Variants in ADAM32 observed in about 807,000 individuals in gnomAD.
ADAM32 encodes disintegrin and metalloproteinase domain-containing protein 32.
In ADAM32, 89 loss-of-function variants were observed where a neutral mutation model predicts 114.9. The observed-to-expected ratio is 0.77, with a 90% CI of 0.65 to 0.92. ADAM32 has a LOEUF of 0.92. Among genes scored for constraint, ADAM32 ranks in the 40% least tolerant of loss-of-function variants. The probability of loss-of-function intolerance (pLI) is 0.00; values close to 1 mark genes in which losing one functional copy is unlikely to be tolerated. For missense variants in ADAM32, 870 were observed against 932.8 expected (o/e 0.93, Z 0.88); for synonymous variants, 285 against 307.5 (o/e 0.93, Z 0.77).
chr8:39,276,771 T>C (rs1248746357), intron 22 of ADAM32, among the ~76,000 whole-genome samples: 1 of 152,200 alleles, frequency 6.6e-6, no homozygotes. Context: ...ATTTTTATTA[T>C]CATGTCTGTT....
In ADAM32 at chr8:39,235,202, A is replaced by G. The variant is rs191997473; in HGVS notation, c.1818+1120A>G. On this transcript the variant is annotated intron_variant, in intron 16 of 24. Transcript: ENST00000379907. ...CAGATCTTTGCTCATAGGGAAATAT[A>G]AAAAGTGTAAAGTGTAGGCTTTAAA... Among the ~76,000 whole-genome samples, 287 of 152,298 alleles carry G rather than the reference A, an allele frequency of 1.9e-3. 1 individual carries two copies. Among genetic ancestry groups the G allele is most frequent in the Middle Eastern group, 3.4e-3 (1 of 294 alleles).
intron 11 of ADAM32, among the ~76,000 whole-genome samples, chr8:39,200,755 A>G (rs1165262024): frequency 1.3e-5 from 2 of 152,146 alleles, no homozygotes; most frequent in African/African-American, 2.4e-5. Flanking sequence ...TTATGGTTTT[A>G]GGTCTAACAT....
intron 12 of ADAM32, among the ~76,000 whole-genome samples, chr8:39,211,933 C>T (rs1330619746): frequency 6.6e-6 from 1 of 152,116 alleles, no homozygotes; most frequent in Non-Finnish European, 1.5e-5. Flanking sequence ...TGAACCATAT[C>T]ACATTATTTT....
intron 7 of ADAM32, among the ~76,000 whole-genome samples, chr8:39,163,963 T>C (rs1804673904): frequency 6.6e-6 from 1 of 152,210 alleles, no homozygotes; most frequent in Non-Finnish European, 1.5e-5. Flanking sequence ...TTTTCAGATT[T>C]CAAGAGCGAT....
chr8:39,171,989 A>G (rs1805232442), intron 10 of ADAM32, among the ~76,000 whole-genome samples: 2 of 151,362 alleles, frequency 1.3e-5, no homozygotes, highest in Admixed American at 6.6e-5. Context: ...CACTTTGTCT[A>G]GAGATTGATG....
intron 11 of ADAM32, among the ~76,000 whole-genome samples, chr8:39,199,828 G>A (rs1807272189): frequency 6.9e-6 from 1 of 145,468 alleles, no homozygotes; most frequent in Admixed American, 7.0e-5. Context: ...GTGTCCAAGT[G>A]TTCTCACTGT....
At chr8:39,131,067 C>G (rs1286942408) in intron 2 of ADAM32, among the ~76,000 whole-genome samples, 1 of 150,896 alleles carries the variant, frequency 6.6e-6, no homozygotes, top group Non-Finnish European at 1.5e-5. Context: ...CACCATTCTC[C>G]TGCCTCAGCC....
At chr8:39,164,903 C>A in intron 8 of ADAM32, 68 bp downstream of exon 8, 1 of 1,512,318 alleles carries the variant, frequency 6.6e-7, no homozygotes, top group Non-Finnish European at 9.1e-7. Flanking sequence ...AAACTTGATG[C>A]GGTATTCCTG....
intron 11 of ADAM32, among the ~76,000 whole-genome samples, chr8:39,199,680 G>A (rs1023626732): frequency 6.6e-6 from 1 of 151,642 alleles, no homozygotes; most frequent in Non-Finnish European, 1.5e-5. Flanking sequence ...GTGCAGGTTT[G>A]TTACATATGT....
At chr8:39,254,888 A>G (rs1165956300) in intron 18 of ADAM32, among the ~76,000 whole-genome samples, 1 of 151,762 alleles carries the variant, frequency 6.6e-6, no homozygotes, top group African/African-American at 2.4e-5. Context: ...TCAATACCCC[A>G]AAGTCCATTG....
At chr8:39,207,334 T>A (rs1394815555) in intron 11 of ADAM32, among the ~76,000 whole-genome samples, 1 of 152,132 alleles carries the variant, frequency 6.6e-6, no homozygotes, top group East Asian at 1.9e-4. Context: ...CCCCTCCTAT[T>A]CCTGATATAT....
intron 11 of ADAM32, among the ~76,000 whole-genome samples, chr8:39,192,605 G>A (rs1806679557): frequency 6.6e-6 from 1 of 152,180 alleles, no homozygotes; most frequent in Non-Finnish European, 1.5e-5. Flanking sequence ...TTGCTTTATA[G>A]TGTCATTGCT....
chr8:39,217,725 A>G (rs1374285612), intron 12 of ADAM32, among the ~76,000 whole-genome samples: 1 of 151,932 alleles, frequency 6.6e-6, no homozygotes, highest in Non-Finnish European at 1.5e-5. Flanking sequence ...AATAATTTCA[A>G]TTTACTTTTA....
At chr8:39,121,161 A>G (rs1018026188) in intron 2 of ADAM32, among the ~76,000 whole-genome samples, 1 of 152,220 alleles carries the variant, frequency 6.6e-6, no homozygotes, top group Non-Finnish European at 1.5e-5. Context: ...TCAGACAATA[A>G]AAAGATTCCT....
At chr8:39,153,171 T>C (rs1446553685) in intron 6 of ADAM32, among the ~76,000 whole-genome samples, 1 of 152,244 alleles carries the variant, frequency 6.6e-6, no homozygotes, top group Non-Finnish European at 1.5e-5. Flanking sequence ...ATATCTTAAA[T>C]AATACAGGGT....
At chr8:39,265,180 C>G (rs151157029) in intron 19 of ADAM32, among the ~76,000 whole-genome samples, 2 of 152,288 alleles carry the variant, frequency 1.3e-5, no homozygotes, top group Admixed American at 6.5e-5. Context: ...CCAGGTGTTA[C>G]ACTGTTGGGC....
intron 3 of ADAM32, among the ~76,000 whole-genome samples, chr8:39,140,770 A>G (rs1366546164): frequency 1.3e-5 from 2 of 152,118 alleles, no homozygotes; most frequent in African/African-American, 2.4e-5. Context: ...TTGGCTGTGA[A>G]TCTGTCTGGT....
chr8:39,233,773 A>T, intron 15 of ADAM32, 126 bp from the exon 16 acceptor site: 2 of 592,372 alleles, frequency 3.4e-6, no homozygotes, highest in Non-Finnish European at 5.2e-6. Context: ...TGAAAACATT[A>T]ACGTTTTCTG....
In ADAM32 at chr8:39,140,737, A is replaced by T. The variant is rs542985336; in HGVS notation, c.200+4019A>T. 1.2e-3 allele frequency among the ~76,000 whole-genome samples: 175 copies of T among 151,786 alleles called. 1 individual carries two copies. The highest frequency in any genetic ancestry group is 4.1e-3 in the African/African-American group (170 of 41,366). On this transcript the variant is annotated intron_variant, in intron 3 of 24. Coordinates refer to ENST00000379907, the MANE Select transcript of ADAM32 (RefSeq NM_145004.7). ...AATTTCAGAAGGAATGGTACCAGCTACTCTTTGTACCTCTGGTAGAATTTG... is the reference window on the plus strand; with the variant it reads ...AATTTCAGAAGGAATGGTACCAGCTTCTCTTTGTACCTCTGGTAGAATTTG...
Sources: allele counts gnomAD v4.1 joint callset (sites outside exome capture counted in the v4.1 genomes callset), GRCh38; gene constraint gnomAD v4.1.1; transcripts MANE v1.5; gene names NCBI Gene and HGNC (gene_info 2026-07-23, HGNC 2026-07-21).